Variants in CSMD1 observed in about 807,000 individuals in gnomAD.
CSMD1 encodes the protein CUB and sushi domain-containing protein 1.
Under a neutral mutation model 417.5 loss-of-function variants are expected in CSMD1, and 213 were observed. That is an observed-to-expected ratio of 0.51 (90% confidence interval 0.46 to 0.57). CSMD1 has a LOEUF of 0.57. CSMD1 is among the 20% of genes least tolerant of loss of function. The pLI is 0.00. For missense variants in CSMD1, 6,923 were observed against 4,529.7 expected (o/e 1.53, Z -15.17); for synonymous variants, 2,862 against 1,736.8 (o/e 1.65, Z -16.11).
intron 3 of CSMD1, among the ~76,000 whole-genome samples, chr8:4,040,166 A>G (rs1190945635): frequency 6.6e-6 from 1 of 152,226 alleles, no homozygotes; most frequent in East Asian, 1.9e-4. Context: ...ATGAAATGCT[A>G]GCATAGTTGT....
In CSMD1 at chr8:4,041,608, G is replaced by A. The variant is rs1797898466; in HGVS notation, c.416-9509C>T. On this transcript the variant is annotated intron_variant, in intron 3 of 69. Transcript: ENST00000635120. ...CTGGCATCCAATCAAAAAGTAATAA[G>A]CACGCAAAAAAGTAAGAAGATATCC... is the stretch of plus-strand genomic sequence containing the variant. Among the ~76,000 whole-genome samples the A allele has an allele frequency of 2.0e-5, 3 of 151,938 alleles. No individual in the cohort carries two copies. In the South Asian group the frequency reaches 6.2e-4, roughly 32 times the overall value.
intron 3 of CSMD1, among the ~76,000 whole-genome samples, chr8:4,232,198 G>A (rs1274267512): frequency 1.3e-5 from 2 of 152,094 alleles, no homozygotes; most frequent in Non-Finnish European, 2.9e-5. Context: ...TTATTTATTT[G>A]TTTTTATTTA....
At chr8:4,031,591 G>C (rs1021801458) in intron 4 of CSMD1, among the ~76,000 whole-genome samples, 2 of 152,076 alleles carry the variant, frequency 1.3e-5, no homozygotes, top group Non-Finnish European at 2.9e-5. Context: ...CATATCAGAA[G>C]TCATAAACTT....
chr8:3,634,939 C>T (rs1402622111), intron 7 of CSMD1, among the ~76,000 whole-genome samples: 1 of 152,106 alleles, frequency 6.6e-6, no homozygotes, highest in Non-Finnish European at 1.5e-5. Flanking sequence ...ACTCACACCA[C>T]ATGTGACTGT....
At chr8:3,270,046 C>CTTTTTTTTTTTTTT (rs200994813) in intron 26 of CSMD1, among the ~76,000 whole-genome samples, 2 of 118,384 alleles carry the variant, frequency 1.7e-5, no homozygotes, top group African/African-American at 6.2e-5. Flanking sequence ...CTAACCTCTT[C>CTTTTTTTTTTTTTT]TTTTTTTTTT....
At chr8:4,387,835 C>A (rs529142752) in intron 3 of CSMD1, among the ~76,000 whole-genome samples, 2 of 152,120 alleles carry the variant, frequency 1.3e-5, no homozygotes, top group Admixed American at 1.3e-4. Flanking sequence ...CTTTTCATAG[C>A]CACAAATGAC....
chr8:4,393,868 C>T (rs754397433), intron 3 of CSMD1, among the ~76,000 whole-genome samples: 6 of 152,160 alleles, frequency 3.9e-5, no homozygotes, highest in Non-Finnish European at 5.9e-5. Context: ...ATGGAGCACA[C>T]GGAACAACCA....
intron 3 of CSMD1, among the ~76,000 whole-genome samples, chr8:4,366,104 C>CG (rs1206576838): frequency 2.6e-5 from 4 of 152,020 alleles, no homozygotes; most frequent in African/African-American, 9.7e-5. Flanking sequence ...AGGTAGTACC[C>CG]GGCACCTGTT....
intron 5 of CSMD1, among the ~76,000 whole-genome samples, chr8:3,833,968 C>T (rs2129089288): frequency 6.6e-6 from 1 of 152,188 alleles, no homozygotes; most frequent in South Asian, 2.1e-4. Context: ...TTCAATTCAC[C>T]TTTCCTATAC....
intron 10 of CSMD1, among the ~76,000 whole-genome samples, chr8:3,527,612 A>T (rs1000579462): frequency 6.6e-6 from 1 of 152,038 alleles, no homozygotes; most frequent in African/African-American, 2.4e-5. Context: ...ACGGGCATCT[A>T]AGAGTCCATG....
chr8:3,087,431 G>T, intron 48 of CSMD1, 146 bp from the exon 49 acceptor site: 2 of 812,328 alleles, frequency 2.5e-6, no homozygotes, highest in Non-Finnish European at 3.9e-6. Flanking sequence ...GTTCTAAAGA[G>T]CATTCCAAAA....
At position 3,053,803 on chromosome 8, in the gene CSMD1, C is replaced by T. The variant is rs563410146; in HGVS notation, c.7475-1156G>A. The stretch of plus-strand genomic sequence containing the variant: ...AGGGTGACATTTCAATAATCACGTA[C>T]CCACTTCAGCTGCACTCATAAAAGA... On this transcript the variant is annotated intron_variant, in intron 49 of 69. Coordinates refer to ENST00000635120, the MANE Select transcript of CSMD1 (RefSeq NM_033225.6). Among the ~76,000 whole-genome samples the T allele has an allele frequency of 2.4e-4, 37 of 152,192 alleles. 1 individual carries two copies. The South Asian group carries it at 6.6e-3, about 27-fold the overall frequency.
chr8:4,714,462 G>A (rs1443174924), intron 1 of CSMD1, among the ~76,000 whole-genome samples: 5 of 152,102 alleles, frequency 3.3e-5, no homozygotes, highest in Non-Finnish European at 5.9e-5. Flanking sequence ...AAATACATAA[G>A]CGCTTTCATA....
intron 3 of CSMD1, among the ~76,000 whole-genome samples, chr8:4,258,757 C>G (rs974959499): frequency 1.3e-5 from 2 of 151,972 alleles, no homozygotes; most frequent in African/African-American, 4.8e-5. Context: ...GACATTTAGT[C>G]CTTAACATTT....
chr8:3,102,050 C>T (rs753363740), intron 46 of CSMD1, among the ~76,000 whole-genome samples: 8 of 152,076 alleles, frequency 5.3e-5, no homozygotes, highest in African/African-American at 1.2e-4. Context: ...GATCCTCCCA[C>T]CTCGGCCTCC....
At chr8:4,166,163 G>A (rs756373077) in intron 3 of CSMD1, among the ~76,000 whole-genome samples, 3 of 152,088 alleles carry the variant, frequency 2.0e-5, no homozygotes, top group Non-Finnish European at 4.4e-5. Flanking sequence ...TTTTAAATTT[G>A]TAGTAGTCTA....
Position 3,407,948 on chromosome 8 carries a change from A to C in CSMD1, c.2022T>G (p.Phe674Leu), listed in dbSNP as rs1206140589. 1 of 1,613,614 alleles carries C rather than the reference A, an allele frequency of 6.2e-7. No individual in the cohort carries two copies. The highest frequency in any genetic ancestry group is 2.2e-5 in the East Asian group (1 of 44,854). Residue 674 changes from phenylalanine (F) to leucine (L), a missense_variant, in exon 14 of 70, where the codon TTT becomes TTG. By Grantham distance (22) the Phe-to-Leu change is conservative. Coordinates refer to ENST00000635120, the MANE Select transcript of CSMD1 (RefSeq NM_033225.6). ...ASSGHIVRLE[F>L]QSDHSTTGRG... is the part of the protein sequence containing the mutation. ...TGCCAGTAGTGGAATGGTCAGACTG[A>C]AATTCCAAGCGAACTATATGCCCAC...
At chr8:3,947,032 T>C (rs947954319) in intron 5 of CSMD1, among the ~76,000 whole-genome samples, 3 of 152,218 alleles carry the variant, frequency 2.0e-5, no homozygotes, top group Non-Finnish European at 4.4e-5. Context: ...TGTATTTTTC[T>C]TGTTCATGGC....
In CSMD1 at chr8:4,785,935, C is replaced by T. The variant is rs371181570; in HGVS notation, c.86-148377G>A. ...AAGACTGAACCCTCCTCAGTCATGC[C>T]CCTGAATTAAAGTTTTCAACAATTA... On this transcript the variant is annotated intron_variant, in intron 1 of 69. Coordinates refer to ENST00000635120, the MANE Select transcript of CSMD1 (RefSeq NM_033225.6). 5.3e-5 allele frequency among the ~76,000 whole-genome samples: 8 copies of T among 152,178 alleles called. No individual in the cohort carries two copies. In the Middle Eastern group the frequency reaches 0.02, roughly 388 times the overall value.
Sources: allele counts gnomAD v4.1 joint callset (sites outside exome capture counted in the v4.1 genomes callset), GRCh38; gene constraint gnomAD v4.1.1; transcripts MANE v1.5; gene names NCBI Gene and HGNC (gene_info 2026-07-23, HGNC 2026-07-21).